TAAR1: variants seen among roughly 807,000 people sequenced by gnomAD.
TAAR1 encodes the protein trace amine-associated receptor 1.
In TAAR1, 1 loss-of-function variant was observed where a neutral mutation model predicts 1.2. The observed-to-expected ratio is 0.81, with a 90% CI of 0.29 to 3.86. The LOEUF (loss-of-function observed/expected upper bound fraction) is 3.86, where lower values mean the gene tolerates loss of function less well. Ranked by LOEUF, TAAR1 falls within the 30% of genes most tolerant of loss-of-function variation. The pLI is 0.18. For missense variants in TAAR1, 445 were observed against 405.6 expected (o/e 1.10, Z -0.83); for synonymous variants, 153 against 132.2 (o/e 1.16, Z -1.08).
chr6:132,658,567 C>T (rs1341505206), intron 1 of TAAR1, among the ~76,000 whole-genome samples: 1 of 151,948 alleles, frequency 6.6e-6, no homozygotes, highest in Non-Finnish European at 1.5e-5. Context: ...TAATATGACA[C>T]AATACATTTG....
At position 132,644,849 on chromosome 6, in the gene TAAR1, T is replaced by G; in HGVS notation, c.*135A>C. On this transcript the variant is annotated 3_prime_UTR_variant, in exon 2 of 2. Transcript: ENST00000275216. ...GGAAATTACCTATAAGCATCATAAT[T>G]TAACTCACCATACATACTTTGACTC... is the stretch of plus-strand genomic sequence containing the variant. 1.5e-6 allele frequency: 1 copy of G among 683,690 alleles called. No individual in the cohort carries two copies. Among genetic ancestry groups the G allele is most frequent in the Non-Finnish European group, 2.4e-6 (1 of 421,590 alleles). The allele number at this position is 683,690 out of a possible 1,614,324, so 42.4% of individuals were successfully genotyped here. A position where few individuals can be genotyped will look rare whatever the true frequency, so the allele number is the denominator to read the frequency against.
rs1306244133 is a variant in TAAR1 at position 132,645,645 on chromosome 6, T to C, written c.359A>G (p.Asp120Gly). 1.2e-6 allele frequency: 2 copies of C among 1,613,568 alleles called. No individual in the cohort carries two copies. The highest frequency in any genetic ancestry group is 1.7e-6 in the Non-Finnish European group (2 of 1,179,812). The change falls in exon 2 of 2, where the codon GAC becomes GGC. Residue 120 changes from aspartate to glycine, a missense_variant. Physicochemically the swap from Asp to Gly is moderately conservative, Grantham distance 94. Transcript: ENST00000275216. ...SIFHLSFISI[D>G]RYYAVCDPLR... Reference sequence around the variant, plus strand: ...TGGATCACACACAGCATAGTAGCGGTCAATGGAGATGAAAGACAAATGGAA... The same window carrying C: ...TGGATCACACACAGCATAGTAGCGGCCAATGGAGATGAAAGACAAATGGAA...
chr6:132,655,962 T>TG (rs371987105), intron 1 of TAAR1, among the ~76,000 whole-genome samples: 4 of 152,064 alleles, frequency 2.6e-5, no homozygotes, highest in African/African-American at 9.6e-5. Flanking sequence ...GTTAGAGAGA[T>TG]GGGGAAGATG....
intron 1 of TAAR1, among the ~76,000 whole-genome samples, chr6:132,655,572 C>G (rs968768389): frequency 6.6e-6 from 1 of 151,980 alleles, no homozygotes; most frequent in African/African-American, 2.4e-5. Flanking sequence ...GTCTTGAATG[C>G]CTGGGGCTCC....
At chr6:132,648,853 C>T (rs542829209) in intron 1 of TAAR1, among the ~76,000 whole-genome samples, 7 of 152,144 alleles carry the variant, frequency 4.6e-5, no homozygotes, top group Admixed American at 2.6e-4. Context: ...TATACAATAG[C>T]AATATGGGAA....
rs145686901 is a variant in TAAR1 at position 132,644,856 on chromosome 6, A to G, written c.*128T>C. Reference sequence around the variant, plus strand: ...ACCTATAAGCATCATAATTTAACTCACCATACATACTTTGACTCAAGTAAC... The same window carrying G: ...ACCTATAAGCATCATAATTTAACTCGCCATACATACTTTGACTCAAGTAAC... On this transcript the variant is annotated 3_prime_UTR_variant, in exon 2 of 2. Coordinates refer to ENST00000275216, the MANE Select transcript of TAAR1 (RefSeq NM_138327.4). 76 of 716,252 alleles carry G rather than the reference A, an allele frequency of 1.1e-4. 1 individual carries two copies. In the African/African-American group the frequency reaches 1.3e-3, roughly 12 times the overall value. The allele number at this position is 716,252 out of a possible 1,614,324, so 44.4% of individuals were successfully genotyped here.
At chr6:132,651,649 G>A (rs527998815) in intron 1 of TAAR1, among the ~76,000 whole-genome samples, 5 of 152,202 alleles carry the variant, frequency 3.3e-5, no homozygotes, top group African/African-American at 1.2e-4. Context: ...CCTGGTCCAA[G>A]CCACCAACAA....
At chr6:132,651,638 TC>T (rs1031987326) in intron 1 of TAAR1, among the ~76,000 whole-genome samples, 1 of 152,166 alleles carries the variant, frequency 6.6e-6, no homozygotes, top group Non-Finnish European at 1.5e-5. Context: ...ACTATCACCA[TC>T]CTGGTCCAAG....
rs1214542268 is a variant in TAAR1 at position 132,643,335 on chromosome 6, T to C, written c.*1649A>G. Reference sequence around the variant, plus strand: ...GAAAACTCACTAAATGCTTGTTTCCTTTTTAAAATTTGACAGACTGGACTC... The same window carrying C: ...GAAAACTCACTAAATGCTTGTTTCCCTTTTAAAATTTGACAGACTGGACTC... On this transcript the variant is annotated 3_prime_UTR_variant, in exon 2 of 2. Coordinates refer to ENST00000275216, the MANE Select transcript of TAAR1 (RefSeq NM_138327.4). 6.6e-6 allele frequency among the ~76,000 whole-genome samples: 1 copy of C among 151,992 alleles called. No homozygotes were observed. Among genetic ancestry groups the C allele is most frequent in the East Asian group, 1.9e-4 (1 of 5,198 alleles).
chr6:132,655,679 A>G (rs1303970905), intron 1 of TAAR1, among the ~76,000 whole-genome samples: 2 of 152,110 alleles, frequency 1.3e-5, no homozygotes, highest in African/African-American at 4.8e-5. Flanking sequence ...TATCACTCCG[A>G]TTGCTGCCTT....
chr6:132,646,922 A>T (rs1777678259), intron 1 of TAAR1, among the ~76,000 whole-genome samples: 1 of 152,160 alleles, frequency 6.6e-6, no homozygotes, highest in African/African-American at 2.4e-5. Context: ...GTCAATTTTT[A>T]AAAATTAAGC....
rs997352535 is a variant in TAAR1 at position 132,645,468 on chromosome 6, C to T, written c.536G>A (p.Arg179Lys). 2 of 1,613,686 alleles carry T rather than the reference C, an allele frequency of 1.2e-6. No homozygotes were observed. Residue 179 changes from arginine to lysine, a missense_variant, in exon 2 of 2, where the codon AGA (arginine) becomes AAA (lysine). Arg to Lys is a conservative substitution (Grantham distance 26). Transcript: ENST00000275216. ...EEIYYKHVHC[R>K]GGCSVFFSKI... ...GCTAAAGAAGACAGAGCAACCTCCTCTGCAGTGAACATGTTTGTAATATAT... is the reference window on the plus strand; with the variant it reads ...GCTAAAGAAGACAGAGCAACCTCCTTTGCAGTGAACATGTTTGTAATATAT...
At position 132,645,556 on chromosome 6, in the gene TAAR1, C is replaced by T. The variant is rs1235033813; in HGVS notation, c.448G>A (p.Val150Ile). 1 of 1,613,674 alleles carries T rather than the reference C, an allele frequency of 6.2e-7. No homozygotes were observed. The highest frequency in any genetic ancestry group is 1.1e-5 in the South Asian group (1 of 91,072). Residue 150 changes from valine (V) to isoleucine (I), a missense_variant, in exon 2 of 2, where the codon GTC (valine) becomes ATC (isoleucine). Val to Ile is a conservative substitution (Grantham distance 29). Transcript: ENST00000275216. ...ATTCCAAATGCAAAAACAGCAGGGACACTCCAACTAATGAAGATCATCACA... is the reference window on the plus strand; with the variant it reads ...ATTCCAAATGCAAAAACAGCAGGGATACTCCAACTAATGAAGATCATCACA... ...ICVMIFISWS[V>I]PAVFAFGMIF...
intron 1 of TAAR1, among the ~76,000 whole-genome samples, chr6:132,646,836 G>A (rs536069540): frequency 6.6e-6 from 1 of 152,126 alleles, no homozygotes; most frequent in African/African-American, 2.4e-5. Context: ...AATATGAGCT[G>A]TGGTCTCAAT....
At chr6:132,650,361 T>A (rs1446710973) in intron 1 of TAAR1, among the ~76,000 whole-genome samples, 1 of 152,248 alleles carries the variant, frequency 6.6e-6, no homozygotes, top group African/African-American at 2.4e-5. Context: ...TGGCTAAATT[T>A]GAACACTGGT....
In TAAR1 at chr6:132,644,974, TATA is replaced by T. The variant is rs1172691521; in HGVS notation, c.*7_*9del. The T allele has an allele frequency of 6.6e-7, 1 of 1,525,760 alleles. No homozygotes were observed. The allele number at this position is 1,525,760 out of a possible 1,614,324, so 94.5% of individuals were successfully genotyped here. On this transcript the variant is annotated 3_prime_UTR_variant, in exon 2 of 2. Coordinates refer to ENST00000275216, the MANE Select transcript of TAAR1 (RefSeq NM_138327.4). ...TCAACCGATTTGCAAAACAGTAAAA[TATA>T]ATAATTCTATGAACTCAATTCCAAA...
Position 132,644,038 on chromosome 6 carries a change from T to G in TAAR1, c.*946A>C, listed in dbSNP as rs1424892781. 6.6e-6 allele frequency among the ~76,000 whole-genome samples: 1 copy of G among 152,002 alleles called. No homozygotes were observed. Among genetic ancestry groups the G allele is most frequent in the East Asian group, 1.9e-4 (1 of 5,188 alleles). ...ATGACCTTAAGACATGGTAAAATCC[T>G]TCTAGACATTTTCATGACTTCAGTG... On this transcript the variant is annotated 3_prime_UTR_variant, in exon 2 of 2. Transcript: ENST00000275216.
chr6:132,653,155 ATCT>A (rs1777766500), intron 1 of TAAR1, among the ~76,000 whole-genome samples: 1 of 152,118 alleles, frequency 6.6e-6, no homozygotes, highest in Non-Finnish European at 1.5e-5. Context: ...AAAGATCAAG[ATCT>A]TCTGCTCCTT....
rs771726836 is a variant in TAAR1, at chr6:132,645,978, A to T, written c.26T>A (p.Ile9Asn). Reference protein sequence around the residue: MMPFCHNIINISCVKNNWS... With the variant: MMPFCHNINNISCVKNNWS... ...GTTGTTTTTCACACAGGAAATATTA[A>T]TTATATTGTGGCAAAAGGGCATCAT... The change falls in exon 2 of 2, where the codon ATT becomes AAT. Residue 9 changes from isoleucine to asparagine, a missense_variant. By Grantham distance (149) the Ile-to-Asn change is moderately radical. Transcript: ENST00000275216. 2.5e-6 allele frequency: 4 copies of T among 1,601,776 alleles called. No homozygotes were observed. In the African/African-American group the frequency reaches 5.4e-5, roughly 21 times the overall value.
Sources: gnomAD v4.1 joint callset for allele counts (sites outside exome capture counted in the v4.1 genomes callset) on GRCh38, gnomAD v4.1.1 for gene constraint, MANE v1.5 for transcripts, NCBI Gene and HGNC (gene_info 2026-07-23, HGNC 2026-07-21) for gene names.